The following GBP4 variants were observed in gnomAD, a reference collection of about 807,000 sequenced individuals.
GBP4 encodes the protein guanylate binding protein 4, also known as guanylate-binding protein 4.
A neutral mutation model predicts 62.2 loss-of-function variants in GBP4; 69 were observed. The ratio of observed to expected loss-of-function variants is 1.11; its 90% CI spans 0.91 to 1.36. The LOEUF (loss-of-function observed/expected upper bound fraction) is 1.36, where lower values mean the gene tolerates loss of function less well. GBP4 is among the 40% of genes most tolerant of loss of function. GBP4 has a pLI of 0.00. For missense variants in GBP4, 697 were observed against 759.3 expected (o/e 0.92, Z 0.96); for synonymous variants, 278 against 274.6 (o/e 1.01, Z -0.12).
At position 89,184,523 on chromosome 1, in the gene GBP4, AAAC is replaced by A. The variant is rs1288272203; in HGVS notation, c.*728_*730del. The A allele has an allele frequency of 6.6e-6, 1 of 152,252 alleles. No individual in the cohort carries two copies. The highest frequency in any genetic ancestry group is 1.5e-5 in the Non-Finnish European group (1 of 68,042). 9.4% of individuals were successfully genotyped at this position (152,252 alleles called of 1,614,324 possible). ...CCATGGAATACTATGCAGCCATAAA[AAAC>A]AACAAGATCATGTCCTCTGTAGCAA... On this transcript the variant is annotated 3_prime_UTR_variant, in exon 11 of 11. Transcript: ENST00000355754.
rs752908728 is a variant in GBP4 at position 89,193,332 on chromosome 1, G to A, written c.444C>T (p.Thr148=). 6.2e-7 allele frequency: 1 copy of A among 1,614,094 alleles called. No homozygotes were observed. The highest frequency in any genetic ancestry group is 8.5e-7 in the Non-Finnish European group (1 of 1,179,986). Residue 148 remains threonine, a synonymous_variant, in exon 4 of 11, where the codon ACC becomes ACT. Transcript: ENST00000355754. ...SSSFVYNSVS[T]INHQALEQLH... ...GCTGCTCCAGGGCCTGGTGGTTGATGGTGCTCACGCTGTTATAGACAAAGC... is the reference window on the plus strand; with the variant it reads ...GCTGCTCCAGGGCCTGGTGGTTGATAGTGCTCACGCTGTTATAGACAAAGC...
chr1:89,182,953 C>T lies in GBP4; in HGVS notation c.*2301G>A, dbSNP rs374647432. On this transcript the variant is annotated 3_prime_UTR_variant, in exon 11 of 11. Transcript: ENST00000355754. ...CAATTCTAGCTGCAAGTTTTGAGCA[C>T]TAGACAGCAGAAATAAATTCCTAAA... 2 of 152,162 alleles carry T rather than the reference C, an allele frequency of 1.3e-5. No homozygotes were observed. The highest frequency in any genetic ancestry group is 2.4e-5 in the African/African-American group (1 of 41,422). The allele number at this position is 152,162 out of a possible 1,614,324, so 9.4% of individuals were successfully genotyped here.
rs1474786957 is a variant in GBP4 at position 89,181,197 on chromosome 1, G to A, written c.*4057C>T. Reference sequence around the variant, plus strand: ...ACCTGGGTGCAGGCTGGCTGAGTCCGAAAAGACAGTCAGTGAAGGGAGATA... The same window carrying A: ...ACCTGGGTGCAGGCTGGCTGAGTCCAAAAAGACAGTCAGTGAAGGGAGATA... On this transcript the variant is annotated 3_prime_UTR_variant, in exon 11 of 11. Transcript: ENST00000355754. 1.3e-5 allele frequency: 2 copies of A among 152,228 alleles called. No individual in the cohort carries two copies. The highest frequency in any genetic ancestry group is 6.5e-5 in the Admixed American group (1 of 15,268). The allele number at this position is 152,228 out of a possible 1,614,324, so 9.4% of individuals were successfully genotyped here.
intron 4 of GBP4, 45 bp downstream of exon 4, chr1:89,193,258 C>A (rs1401040211): frequency 1.9e-6 from 3 of 1,581,316 alleles, no homozygotes; most frequent in Non-Finnish European, 2.6e-6. Context: ...AATTCCCATT[C>A]CCCTAAACCC....
At chr1:89,186,861 T>G (rs1648050903) in intron 9 of GBP4, 139 bp downstream of exon 9, 2 of 753,386 alleles carry the variant, frequency 2.7e-6, no homozygotes, top group Non-Finnish European at 4.4e-6. Context: ...ACATTTGGTA[T>G]CCAGAACTTA....
At chr1:89,186,968 A>G in intron 9 of GBP4, 32 bp downstream of exon 9, 1 of 1,598,506 alleles carries the variant, frequency 6.3e-7, no homozygotes, top group South Asian at 1.1e-5. Flanking sequence ...GAAACTCCCA[A>G]TCCCTCTGAT....
At chr1:89,192,819 A>T in intron 5 of GBP4, 85 bp downstream of exon 5, 6 of 1,270,574 alleles carry the variant, frequency 4.7e-6, no homozygotes, top group Non-Finnish European at 6.6e-6. Flanking sequence ...TCTAATGTAA[A>T]CATTTGTGTC....
In GBP4 at chr1:89,195,322, G is replaced by A. The variant is rs746830180; in HGVS notation, c.338C>T (p.Thr113Ile). Reference sequence around the variant, plus strand: ...CTTTTCTACATCGCCCAGGCCCTCGGTGTCCAGAAGGACCAGGGTGTGGTT... The same window carrying A: ...CTTTTCTACATCGCCCAGGCCCTCGATGTCCAGAAGGACCAGGGTGTGGTT... ...KPNHTLVLLD[T>I]EGLGDVEKSN... is the part of the protein sequence containing the mutation. Residue 113 changes from threonine to isoleucine, a missense_variant, in exon 3 of 11, where the codon ACC becomes ATC. Thr to Ile is a moderately conservative substitution (Grantham distance 89). Coordinates refer to ENST00000355754, the MANE Select transcript of GBP4 (RefSeq NM_052941.5). 3.7e-6 allele frequency: 6 copies of A among 1,613,890 alleles called. No homozygotes were observed. In the African/African-American group the frequency reaches 8.0e-5, roughly 22 times the overall value.
chr1:89,190,364 T>C (rs759454847), intron 6 of GBP4, 46 bp from the exon 7 acceptor site: 2 of 1,481,388 alleles, frequency 1.4e-6, no homozygotes, highest in Non-Finnish European at 1.8e-6. Flanking sequence ...TTACTCATTA[T>C]TTATACAAGT....
chr1:89,197,066 C>T (rs149299541), intron 2 of GBP4, 44 bp downstream of exon 2: 1 of 1,541,834 alleles, frequency 6.5e-7, no homozygotes, highest in African/African-American at 1.4e-5. Context: ...GCTGTGTTAT[C>T]ACTGGTTCCA....
In GBP4 at chr1:89,181,268, C is replaced by A. The variant is rs774972590; in HGVS notation, c.*3986G>T. ...GATTTGGGTTGGTAAAGGAAAATTA[C>A]AGTCAAAGGGGGTTGTTCTCTGGCG... On this transcript the variant is annotated 3_prime_UTR_variant, in exon 11 of 11. Coordinates refer to ENST00000355754, the MANE Select transcript of GBP4 (RefSeq NM_052941.5). 10 of 151,912 alleles carry A rather than the reference C, an allele frequency of 6.6e-5. No homozygotes were observed. Among genetic ancestry groups the A allele is most frequent in the Non-Finnish European group, 1.3e-4 (9 of 67,986 alleles). The allele number at this position is 151,912 out of a possible 1,614,324, so 9.4% of individuals were successfully genotyped here.
rs528000465 is a variant in GBP4 at position 89,181,459 on chromosome 1, G to A, written c.*3795C>T. The A allele has an allele frequency of 2.0e-5, 3 of 152,580 alleles. No individual in the cohort carries two copies. Among genetic ancestry groups the A allele is most frequent in the Admixed American group, 2.0e-4 (3 of 15,278 alleles). The allele number at this position is 152,580 out of a possible 1,614,324, so 9.5% of individuals were successfully genotyped here. A position where few individuals can be genotyped will look rare whatever the true frequency, so the allele number is the denominator to read the frequency against. The stretch of plus-strand genomic sequence containing the variant: ...TCAGGCCATCTGGACGTATGTACAT[G>A]CAGGTCACAGGGGATATGATGGCTT... On this transcript the variant is annotated 3_prime_UTR_variant, in exon 11 of 11. Transcript: ENST00000355754.
Position 89,197,153 on chromosome 1 carries a change from T to C in GBP4, c.192A>G (p.Thr64=). 6.2e-7 allele frequency: 1 copy of C among 1,614,004 alleles called. No homozygotes were observed. The highest frequency in any genetic ancestry group is 8.5e-7 in the Non-Finnish European group (1 of 1,179,898). The change falls in exon 2 of 11, where the codon ACA becomes ACG. Residue 64 remains threonine (T), a synonymous_variant. Coordinates refer to ENST00000355754, the MANE Select transcript of GBP4 (RefSeq NM_052941.5). ...VVVAIVGLYR[T]GKSYLMNRLA... ...GACGATTCATGAGATAGGATTTTCC[T>C]GTGCGGTATAGCCCTACAATGGCCA...
Position 89,190,447 on chromosome 1 carries a change from TTCC to T in GBP4, c.917-132_917-130del, listed in dbSNP as rs577917792. 546 of 641,246 alleles carry T rather than the reference TTCC, an allele frequency of 8.5e-4. 4 individuals carry two copies. The highest frequency in any genetic ancestry group is 8.2e-3 in the African/African-American group (440 of 53,962). The allele number at this position is 641,246 out of a possible 1,614,324, so 39.7% of individuals were successfully genotyped here. ...AGTTTCTTATCACTCCTTTATTCTCTTCCTCCTCCTTTTTCATCTTCCTCTATG... is the reference window on the plus strand; with the variant it reads ...AGTTTCTTATCACTCCTTTATTCTCTTCCTCCTTTTTCATCTTCCTCTATG... On this transcript the variant is annotated intron_variant, in intron 6 of 10. Coordinates refer to ENST00000355754, the MANE Select transcript of GBP4 (RefSeq NM_052941.5).
chr1:89,198,724 C>A (rs1182947547), intron 1 of GBP4, 71 bp downstream of exon 1: 20 of 1,340,132 alleles, frequency 1.5e-5, no homozygotes, highest in African/African-American at 2.9e-5. Flanking sequence ...GTGCAGTCTG[C>A]GCTTGGGAAT....
At chr1:89,197,972 G>A (rs186605526) in intron 1 of GBP4, among the ~76,000 whole-genome samples, 18 of 152,016 alleles carry the variant, frequency 1.2e-4, no homozygotes, top group African/African-American at 4.1e-4. Flanking sequence ...CTCTCGGCCC[G>A]AAGAAGGGGC....
chr1:89,192,780 CCAT>C (rs1254595470), intron 5 of GBP4, 121 bp downstream of exon 5: 2 of 827,280 alleles, frequency 2.4e-6, no homozygotes, highest in Non-Finnish European at 1.8e-6. Context: ...TCACCAACCA[CCAT>C]GAGCATGGGC....
Position 89,186,369 on chromosome 1 carries a change from G to A in GBP4, c.1671C>T (p.Leu557=), listed in dbSNP as rs1475749728. 2 of 1,612,332 alleles carry A rather than the reference G, an allele frequency of 1.2e-6. No homozygotes were observed. The highest frequency in any genetic ancestry group is 1.3e-5 in the African/African-American group (1 of 75,026). ...GTTTTAGCAGCCTTTCATGCTCTCT[G>A]AGAAGGTTTTCCCTTTCCTCCTCCA... ...KKLEEERENL[L]REHERLLKHK... is the part of the protein sequence containing the mutation. Residue 557 remains leucine (L), a synonymous_variant, in exon 10 of 11, where the codon CTC becomes CTT. Transcript: ENST00000355754.
At position 89,181,196 on chromosome 1, in the gene GBP4, C is replaced by T. The variant is rs1032524533; in HGVS notation, c.*4058G>A. 1 of 151,990 alleles carries T rather than the reference C, an allele frequency of 6.6e-6. No individual in the cohort carries two copies. The allele number at this position is 151,990 out of a possible 1,614,324, so 9.4% of individuals were successfully genotyped here. On this transcript the variant is annotated 3_prime_UTR_variant, in exon 11 of 11. Coordinates refer to ENST00000355754, the MANE Select transcript of GBP4 (RefSeq NM_052941.5). ...CACCTGGGTGCAGGCTGGCTGAGTC[C>T]GAAAAGACAGTCAGTGAAGGGAGAT...
Sources: gnomAD v4.1 joint callset for allele counts (sites outside exome capture counted in the v4.1 genomes callset) on GRCh38, gnomAD v4.1.1 for gene constraint, MANE v1.5 for transcripts, NCBI Gene and HGNC (gene_info 2026-07-23, HGNC 2026-07-21) for gene names.